TSPAN5: variants seen among roughly 807,000 people sequenced by gnomAD.
The protein encoded by TSPAN5 is tetraspanin-5.
TSPAN5 carries 10 observed loss-of-function variants against 37.1 expected under a neutral mutation model. The observed-to-expected ratio is 0.27, with a 90% confidence interval of 0.17 to 0.46. The LOEUF (loss-of-function observed/expected upper bound fraction) is 0.46. Ranked by LOEUF, TSPAN5 falls within the 20% of genes least tolerant of loss-of-function variation. TSPAN5 has a pLI of 1.00. For missense variants in TSPAN5, 195 were observed against 326.6 expected (o/e 0.60, Z 3.11); for synonymous variants, 110 against 118.9 (o/e 0.93, Z 0.48).
intron 1 of TSPAN5, among the ~76,000 whole-genome samples, chr4:98,520,202 A>G (rs970159037): frequency 6.6e-6 from 1 of 152,224 alleles, no homozygotes; most frequent in Non-Finnish European, 1.5e-5. Flanking sequence ...AAGAGGTGCC[A>G]CCAAAGCCCA....
intron 1 of TSPAN5, among the ~76,000 whole-genome samples, chr4:98,567,512 A>G (rs1265514284): frequency 4.6e-5 from 7 of 152,236 alleles, no homozygotes; most frequent in African/African-American, 1.7e-4. Context: ...GTTTTACAGA[A>G]TCCAGAAATC....
chr4:98,566,320 T>C (rs535156307), intron 1 of TSPAN5, among the ~76,000 whole-genome samples: 8 of 144,654 alleles, frequency 5.5e-5, no homozygotes, highest in African/African-American at 2.1e-4. Context: ...AAGCAATCTC[T>C]AGCTTGGCTT....
At chr4:98,530,640 A>T (rs1316297909) in intron 1 of TSPAN5, among the ~76,000 whole-genome samples, 1 of 152,218 alleles carries the variant, frequency 6.6e-6, no homozygotes, top group Non-Finnish European at 1.5e-5. Flanking sequence ...AAGATTTTAG[A>T]GGTTGTCTAG....
chr4:98,626,723 C>G (rs1279305189), intron 1 of TSPAN5, among the ~76,000 whole-genome samples: 2 of 152,050 alleles, frequency 1.3e-5, no homozygotes, highest in Admixed American at 6.5e-5. Flanking sequence ...GGGAGGCCTT[C>G]CCTGGCCACT....
intron 1 of TSPAN5, among the ~76,000 whole-genome samples, chr4:98,587,914 C>A (rs200518884): frequency 1.3e-5 from 2 of 149,134 alleles, no homozygotes; most frequent in African/African-American, 5.0e-5. Context: ...ACAACAACAA[C>A]AAAACAAGGT....
intron 3 of TSPAN5, chr4:98,484,756 G>A (rs1438118854): frequency 2.9e-6 from 1 of 345,600 alleles, no homozygotes; most frequent in Non-Finnish European, 5.6e-6. Flanking sequence ...GAGGTCCGGA[G>A]TTCAAGACCA....
chr4:98,653,416 A>C (rs1331743515), intron 1 of TSPAN5, among the ~76,000 whole-genome samples: 11 of 152,208 alleles, frequency 7.2e-5, no homozygotes, highest in Admixed American at 6.5e-4. Context: ...AGTTGGCCTC[A>C]AGTAACTGAG....
intron 3 of TSPAN5, chr4:98,482,717 G>A (rs1752872773): frequency 6.6e-6 from 1 of 152,246 alleles, no homozygotes; most frequent in African/African-American, 2.4e-5. Flanking sequence ...TTAGATGAAG[G>A]GGTCAAAGAG....
At chr4:98,476,942 TA>T (rs1187743497) in intron 5 of TSPAN5, among the ~76,000 whole-genome samples, 1 of 152,246 alleles carries the variant, frequency 6.6e-6, no homozygotes, top group East Asian at 1.9e-4. Context: ...CCCGACCACA[TA>T]ATCACACAGA....
At chr4:98,533,844 C>T (rs1754162410) in intron 1 of TSPAN5, among the ~76,000 whole-genome samples, 1 of 147,852 alleles carries the variant, frequency 6.8e-6, no homozygotes, top group Admixed American at 6.8e-5. Context: ...GCCACAGCAC[C>T]CGGCCCCCTA....
At chr4:98,611,256 C>T (rs1381407316) in intron 1 of TSPAN5, among the ~76,000 whole-genome samples, 10 of 152,212 alleles carry the variant, frequency 6.6e-5, no homozygotes, top group Non-Finnish European at 1.3e-4. Flanking sequence ...TGAAACAAGC[C>T]TCTAATTTGT....
intron 1 of TSPAN5, among the ~76,000 whole-genome samples, chr4:98,605,622 A>G (rs186328901): frequency 6.6e-6 from 1 of 152,324 alleles, no homozygotes; most frequent in Admixed American, 6.5e-5. Context: ...TAAAATACCC[A>G]GTTTATACAG....
chr4:98,575,456 A>G (rs1528548), intron 1 of TSPAN5, among the ~76,000 whole-genome samples: 9,729 of 151,314 alleles, frequency 0.064, 394 homozygotes, highest in Non-Finnish European at 0.089. Context: ...TTCAATACAC[A>G]TACTACCTGA....
chr4:98,566,484 CA>C (rs1356285444), intron 1 of TSPAN5, among the ~76,000 whole-genome samples: 4 of 152,102 alleles, frequency 2.6e-5, no homozygotes, highest in Non-Finnish European at 4.4e-5. Flanking sequence ...AGAATAATAC[CA>C]AAGGCTAGAG....
intron 1 of TSPAN5, among the ~76,000 whole-genome samples, chr4:98,541,405 T>C (rs950507130): frequency 2.0e-5 from 3 of 152,174 alleles, no homozygotes; most frequent in Non-Finnish European, 4.4e-5. Context: ...CTGGGCATGG[T>C]GGCTCACGCC....
At chr4:98,544,650 C>A (rs908247400) in intron 1 of TSPAN5, among the ~76,000 whole-genome samples, 3 of 151,764 alleles carry the variant, frequency 2.0e-5, no homozygotes. Context: ...TAAAGGTGTG[C>A]GAAAGCAGAG....
Position 98,470,711 on chromosome 4 carries a change from A to G in TSPAN5, c.*1811T>C, listed in dbSNP as rs757578447. ...AAGATGTGAATACCTCTACCTATACAGAGACAAAAACACACACATGCAGAG... is the reference window on the plus strand; with the variant it reads ...AAGATGTGAATACCTCTACCTATACGGAGACAAAAACACACACATGCAGAG... On this transcript the variant is annotated 3_prime_UTR_variant, in exon 8 of 8. Transcript: ENST00000305798. 11 of 152,280 alleles carry G rather than the reference A, an allele frequency of 7.2e-5. No homozygotes were observed. Among genetic ancestry groups the G allele is most frequent in the Non-Finnish European group, 8.8e-5 (6 of 68,054 alleles). 9.4% of individuals were successfully genotyped at this position (152,280 alleles called of 1,614,324 possible).
chr4:98,614,820 A>G (rs1244838703), intron 1 of TSPAN5, among the ~76,000 whole-genome samples: 2 of 152,146 alleles, frequency 1.3e-5, no homozygotes, highest in Non-Finnish European at 2.9e-5. Context: ...TCTGTGACTA[A>G]ACGTACAAGT....
chr4:98,491,005 T>C (rs1445262537), intron 2 of TSPAN5, among the ~76,000 whole-genome samples: 4 of 151,694 alleles, frequency 2.6e-5, no homozygotes, highest in Non-Finnish European at 5.9e-5. Flanking sequence ...GAGCTTGCAG[T>C]GAGCCGATAT....
Sources: allele counts gnomAD v4.1 joint callset (sites outside exome capture counted in the v4.1 genomes callset), GRCh38; gene constraint gnomAD v4.1.1; transcripts MANE v1.5; gene names NCBI Gene and HGNC (gene_info 2026-07-23, HGNC 2026-07-21).